TLN2: variants seen among roughly 807,000 people sequenced by gnomAD.
TLN2 encodes talin-2.
A neutral mutation model predicts 294.7 loss-of-function variants in TLN2; 118 were observed. The observed-to-expected ratio is 0.40, with a 90% CI of 0.34 to 0.47. The LOEUF (loss-of-function observed/expected upper bound fraction) is 0.47, where lower values mean the gene tolerates loss of function less well. Ranked by LOEUF, TLN2 falls within the 20% of genes least tolerant of loss-of-function variation. The pLI is 0.84. For missense variants in TLN2, 3,083 were observed against 3,282.2 expected (o/e 0.94, Z 1.48); for synonymous variants, 1,431 against 1,304.5 (o/e 1.10, Z -2.09).
chr15:62,808,508 A>G (rs1295397420), intron 51 of TLN2, among the ~76,000 whole-genome samples: 1 of 152,202 alleles, frequency 6.6e-6, no homozygotes, highest in Non-Finnish European at 1.5e-5. Context: ...GTCCAATAGT[A>G]TAAGAGTTTA....
At chr15:62,669,407 T>C (rs1462946704) in intron 9 of TLN2, among the ~76,000 whole-genome samples, 1 of 152,118 alleles carries the variant, frequency 6.6e-6, no homozygotes, top group East Asian at 1.9e-4. Context: ...TCTTACTGAG[T>C]CTATTAGAGA....
chr15:62,544,655 C>T (rs1015220508), intron 1 of TLN2, among the ~76,000 whole-genome samples: 16 of 152,088 alleles, frequency 1.1e-4, no homozygotes, highest in African/African-American at 3.6e-4. Context: ...TACATTTTTT[C>T]CATCAACTCT....
chr15:62,822,603 A>C (rs1298149007), intron 54 of TLN2, among the ~76,000 whole-genome samples: 1 of 152,174 alleles, frequency 6.6e-6, no homozygotes, highest in Non-Finnish European at 1.5e-5. Flanking sequence ...GTTTCAGTCC[A>C]TACCAGCCCC....
chr15:62,479,635 C>T (rs1221196564), intron 1 of TLN2, among the ~76,000 whole-genome samples: 1 of 152,204 alleles, frequency 6.6e-6, no homozygotes, highest in Non-Finnish European at 1.5e-5. Flanking sequence ...TGGTGGCTTG[C>T]ACCACCACAT....
At chr15:62,410,471 G>T (rs948179434) in intron 1 of TLN2, among the ~76,000 whole-genome samples, 1 of 152,096 alleles carries the variant, frequency 6.6e-6, no homozygotes, top group Non-Finnish European at 1.5e-5. Context: ...TAAAAAAAAG[G>T]TATCAGAGGA....
rs764163376 is a variant in TLN2 at position 62,736,827 on chromosome 15, G to A, written c.3359-51G>A. ...CCAGAAGCTTATTCCTAAGTAAAAT[G>A]TGCCATTTAGATGGAGTCTAATTGG... On this transcript the variant is annotated intron_variant, in intron 28 of 58. Transcript: ENST00000636159. The A allele has an allele frequency of 2.5e-6, 4 of 1,585,228 alleles. No individual in the cohort carries two copies. The East Asian group carries it at 9.0e-5, about 36-fold the overall frequency.
chr15:62,689,370 T>A (rs191741843), intron 12 of TLN2, among the ~76,000 whole-genome samples: 83 of 152,216 alleles, frequency 5.5e-4, no homozygotes, highest in Non-Finnish European at 9.8e-4. Flanking sequence ...TATAACCACA[T>A]AAGATGGTGT....
At chr15:62,839,062 A>G (rs919466683) in intron 58 of TLN2, 81 bp downstream of exon 58, 6 of 1,529,628 alleles carry the variant, frequency 3.9e-6, no homozygotes, top group Non-Finnish European at 5.3e-6. Context: ...TAGTGACTTC[A>G]AGATGAAAGT....
At chr15:62,491,351 TAC>T (rs1166046640) in intron 1 of TLN2, among the ~76,000 whole-genome samples, 18,588 of 99,690 alleles carry the variant, frequency 0.19, 1,716 homozygotes, top group Non-Finnish European at 0.23. Context: ...TATATATATA[TAC>T]ACACACACAC....
intron 1 of TLN2, among the ~76,000 whole-genome samples, chr15:62,538,384 C>T (rs1362519520): frequency 6.6e-6 from 1 of 152,202 alleles, no homozygotes; most frequent in Non-Finnish European, 1.5e-5. Context: ...TATAGGACCA[C>T]TTCAAACTAT....
chr15:62,403,857 T>C (rs1048385270), intron 1 of TLN2, among the ~76,000 whole-genome samples: 1 of 152,200 alleles, frequency 6.6e-6, no homozygotes, highest in Non-Finnish European at 1.5e-5. Context: ...TTCTTCCTTA[T>C]TTTTCTATCA....
intron 1 of TLN2, among the ~76,000 whole-genome samples, chr15:62,527,392 G>T (rs887235639): frequency 1.3e-5 from 2 of 152,190 alleles, no homozygotes; most frequent in African/African-American, 4.8e-5. Flanking sequence ...ACCGTTAGCT[G>T]TATTATGCTA....
At chr15:62,648,968 C>T (rs2052259116) in intron 4 of TLN2, among the ~76,000 whole-genome samples, 1 of 152,082 alleles carries the variant, frequency 6.6e-6, no homozygotes, top group Non-Finnish European at 1.5e-5. Flanking sequence ...GCCTCAGCCT[C>T]CTGAATAGAT....
At chr15:62,552,683 T>A (rs2140560712) in intron 1 of TLN2, among the ~76,000 whole-genome samples, 1 of 152,356 alleles carries the variant, frequency 6.6e-6, no homozygotes, top group South Asian at 2.1e-4. Flanking sequence ...TTAGATAAGC[T>A]GCATTCATAC....
At position 62,437,752 on chromosome 15, in the gene TLN2, G is replaced by GGTGT. The variant is rs1555407258; in HGVS notation, c.-238+47086_-238+47089dup. On this transcript the variant is annotated intron_variant, in intron 1 of 58. Coordinates refer to ENST00000636159, the MANE Select transcript of TLN2 (RefSeq NM_015059.3). Reference sequence around the variant, plus strand: ...CGGTACTTTCAAAAAACACCATGGGGGTGTGTGTGTGTGTGTGTGTGTCTG... The same window carrying GGTGT: ...CGGTACTTTCAAAAAACACCATGGGGGTGTGTGTGTGTGTGTGTGTGTGTGTCTG... Among the ~76,000 whole-genome samples, 61 of 150,412 alleles carry GGTGT rather than the reference G, an allele frequency of 4.1e-4. 1 individual carries two copies. The highest frequency in any genetic ancestry group is 1.4e-3 in the African/African-American group (58 of 40,932).
At chr15:62,623,554 A>G (rs974410890) in intron 3 of TLN2, among the ~76,000 whole-genome samples, 1 of 152,242 alleles carries the variant, frequency 6.6e-6, no homozygotes, top group East Asian at 1.9e-4. Flanking sequence ...CATCGTACCT[A>G]AATTAAAGTT....
chr15:62,827,071 A>AAAAT (rs1567691410), intron 54 of TLN2, among the ~76,000 whole-genome samples: 2 of 33,424 alleles, frequency 6.0e-5, no homozygotes, highest in Non-Finnish European at 2.3e-4. Context: ...GCATTCCCTC[A>AAAAT]AAGTAAGTTT....
chr15:62,492,543 CAAAAAA>C (rs35935035), intron 1 of TLN2, among the ~76,000 whole-genome samples: 1 of 84,648 alleles, frequency 1.2e-5, no homozygotes. Context: ...GACTCTGTCT[CAAAAAA>C]AAAAAAAAAA....
Position 62,706,603 on chromosome 15 carries a change from C to T in TLN2, c.2005-483C>T, listed in dbSNP as rs944476933. The stretch of plus-strand genomic sequence containing the variant: ...AGAGATATGGCTAAATTTCTGATGA[C>T]GACTTGGATCTTTGTGCAAAGTAGA... On this transcript the variant is annotated intron_variant, in intron 19 of 58. Coordinates refer to ENST00000636159, the MANE Select transcript of TLN2 (RefSeq NM_015059.3). 3.9e-5 allele frequency among the ~76,000 whole-genome samples: 6 copies of T among 152,164 alleles called. No individual in the cohort carries two copies. In the East Asian group the frequency reaches 5.8e-4, roughly 15 times the overall value.
Sources: gnomAD v4.1 joint callset for allele counts (sites outside exome capture counted in the v4.1 genomes callset) on GRCh38, gnomAD v4.1.1 for gene constraint, MANE v1.5 for transcripts, NCBI Gene and HGNC (gene_info 2026-07-23, HGNC 2026-07-21) for gene names.